Variants in ZRANB3 observed in about 807,000 individuals in gnomAD.
The protein encoded by ZRANB3 is zinc finger RANBP2-type containing 3.
ZRANB3 carries 125 observed loss-of-function variants against 133.8 expected under a neutral mutation model. The observed-to-expected ratio is 0.93, with a 90% confidence interval of 0.81 to 1.08. The LOEUF is 1.08. Ranked by LOEUF, ZRANB3 falls within the 50% of genes least tolerant of loss-of-function variation. ZRANB3 has a pLI of 0.00. For synonymous variants in ZRANB3, 387 were observed against 432.7 expected, an observed-to-expected ratio of 0.89 and a Z score of 1.31; for missense variants, 1,229 against 1,275.5, an observed-to-expected ratio of 0.96 and a Z score of 0.56.
chr2:135,205,073 T>A (rs1310689469), intron 19 of ZRANB3, among the ~76,000 whole-genome samples: 1 of 152,012 alleles, frequency 6.6e-6, no homozygotes, highest in African/African-American at 2.4e-5. Context: ...ATTAGAGAAA[T>A]AGTGTATTTC....
intron 12 of ZRANB3, among the ~76,000 whole-genome samples, chr2:135,259,580 G>A (rs1275909477): frequency 1.3e-5 from 2 of 151,932 alleles, no homozygotes; most frequent in African/African-American, 4.8e-5. Context: ...CACCACGCCC[G>A]GCTAATTTTG....
intron 2 of ZRANB3, among the ~76,000 whole-genome samples, chr2:135,395,811 G>C (rs1014977713): frequency 2.0e-5 from 3 of 152,020 alleles, no homozygotes; most frequent in African/African-American, 7.2e-5. Flanking sequence ...AAATAAAATG[G>C]ACAAATGGGA....
intron 1 of ZRANB3, among the ~76,000 whole-genome samples, chr2:135,525,543 C>T (rs7585612): frequency 0.032 from 4,837 of 152,146 alleles, 244 homozygotes; most frequent in African/African-American, 0.11. Flanking sequence ...GGTATATATC[C>T]GAAAGAACTG....
intron 1 of ZRANB3, among the ~76,000 whole-genome samples, chr2:135,513,526 AC>A (rs1399578712): frequency 1.3e-5 from 2 of 152,152 alleles, no homozygotes; most frequent in African/African-American, 4.8e-5. Context: ...ATGAAATTAA[AC>A]CCCCACCTCA....
At chr2:135,313,647 C>T (rs768422399) in intron 7 of ZRANB3, 42 bp from the exon 8 acceptor site, 58 of 1,286,234 alleles carry the variant, frequency 4.5e-5, no homozygotes, top group Admixed American at 7.3e-5. Flanking sequence ...TATAGCATAA[C>T]GAACAGAACA....
At chr2:135,305,519 G>A (rs1435158718) in intron 8 of ZRANB3, among the ~76,000 whole-genome samples, 4 of 152,298 alleles carry the variant, frequency 2.6e-5, no homozygotes, top group Non-Finnish European at 1.5e-5. Flanking sequence ...TTTTACATGT[G>A]AGGATTGCCA....
intron 3 of ZRANB3, among the ~76,000 whole-genome samples, chr2:135,378,456 C>T (rs1335757293): frequency 6.6e-6 from 1 of 151,278 alleles, no homozygotes; most frequent in Non-Finnish European, 1.5e-5. Flanking sequence ...CACGCCATTG[C>T]ATTCCATCCT....
At chr2:135,452,184 C>T (rs1256362526) in intron 2 of ZRANB3, among the ~76,000 whole-genome samples, 1 of 152,126 alleles carries the variant, frequency 6.6e-6, no homozygotes, top group Non-Finnish European at 1.5e-5. Flanking sequence ...GCAGAAACCC[C>T]TGATGAACCC....
rs367663684 is a variant in ZRANB3, at chr2:135,385,363, C to T, written c.180+5439G>A. Among the ~76,000 whole-genome samples the T allele has an allele frequency of 7.9e-5, 12 of 152,292 alleles. No individual in the cohort carries two copies. In the South Asian group the frequency reaches 2.5e-3, roughly 32 times the overall value. ...AAGAGGATACAAACAAATCGAAGAA[C>T]ATTCCATGCTCATGGGTAGGAAGAA... On this transcript the variant is annotated intron_variant, in intron 3 of 20. Transcript: ENST00000264159.
At chr2:135,223,765 T>C (rs1694647061) in intron 15 of ZRANB3, among the ~76,000 whole-genome samples, 2 of 152,186 alleles carry the variant, frequency 1.3e-5, no homozygotes, top group African/African-American at 2.4e-5. Flanking sequence ...TCTAAAAAGT[T>C]TGGGCACTAC....
chr2:135,418,933 T>G (rs1394781766), intron 2 of ZRANB3, among the ~76,000 whole-genome samples: 1 of 89,556 alleles, frequency 1.1e-5, no homozygotes, highest in South Asian at 3.7e-4. Flanking sequence ...CTCTTTTTTT[T>G]TTTTTTTTTT....
Position 135,271,840 on chromosome 2 carries a change from T to G in ZRANB3, c.1134A>C (p.Ile378=). The change falls in exon 10 of 21, where the codon ATA becomes ATC. Residue 378 remains isoleucine, a synonymous_variant. Coordinates refer to ENST00000264159, the MANE Select transcript of ZRANB3 (RefSeq NM_032143.4). ...CCTTTTGAAACTGATTAACCAGATG[T>G]ATTCTTTCTGAAGATGAAACACTTC... ...IDGSVSSSER[I]HLVNQFQKDP... is the part of the protein sequence containing the mutation. The G allele has an allele frequency of 6.2e-7, 1 of 1,613,838 alleles. No homozygotes were observed. Among genetic ancestry groups the G allele is most frequent in the Non-Finnish European group, 8.5e-7 (1 of 1,179,828 alleles).
intron 8 of ZRANB3, among the ~76,000 whole-genome samples, chr2:135,284,465 T>C (rs944004905): frequency 1.3e-5 from 2 of 152,144 alleles, no homozygotes; most frequent in African/African-American, 4.8e-5. Context: ...CTTTCCTTGT[T>C]TGTTTTGTTT....
At chr2:135,366,506 A>G (rs1328948872) in intron 3 of ZRANB3, among the ~76,000 whole-genome samples, 1 of 152,188 alleles carries the variant, frequency 6.6e-6, no homozygotes, top group African/African-American at 2.4e-5. Context: ...AAGGAAGGCC[A>G]CTGAATACTG....
At chr2:135,443,687 G>C (rs77313205) in intron 2 of ZRANB3, among the ~76,000 whole-genome samples, 1 of 151,982 alleles carries the variant, frequency 6.6e-6, no homozygotes, top group Admixed American at 6.6e-5. Context: ...CAAATCCGAC[G>C]TGAGGGACAT....
chr2:135,390,852 C>G, intron 2 of ZRANB3, 32 bp from the exon 3 acceptor site: 1 of 1,488,084 alleles, frequency 6.7e-7, no homozygotes, highest in Non-Finnish European at 9.0e-7. Context: ...AATTAATTAT[C>G]AGAGTGAACC....
At chr2:135,219,284 A>C (rs1694439483) in intron 15 of ZRANB3, 106 bp from the exon 16 acceptor site, 2 of 731,132 alleles carry the variant, frequency 2.7e-6, no homozygotes, top group East Asian at 3.4e-5. Flanking sequence ...TAGTCTCCTA[A>C]AAGAAAAACT....
intron 3 of ZRANB3, among the ~76,000 whole-genome samples, chr2:135,372,523 C>T (rs906326413): frequency 9.2e-5 from 14 of 152,122 alleles, no homozygotes; most frequent in African/African-American, 2.4e-4. Context: ...GCTGGCCAGG[C>T]GCGGTGGCTC....
At chr2:135,329,115 T>C (rs934956268) in intron 6 of ZRANB3, among the ~76,000 whole-genome samples, 1 of 152,250 alleles carries the variant, frequency 6.6e-6, no homozygotes, top group African/African-American at 2.4e-5. Context: ...TTTGGTGTTT[T>C]AGTCATGAGG....
Sources: allele counts gnomAD v4.1 joint callset (sites outside exome capture counted in the v4.1 genomes callset), GRCh38; gene constraint gnomAD v4.1.1; transcripts MANE v1.5; gene names NCBI Gene and HGNC (gene_info 2026-07-23, HGNC 2026-07-21).